Variants in CAST observed in about 807,000 individuals in gnomAD.
CAST encodes calpastatin.
In CAST, 76 loss-of-function variants were observed where a neutral mutation model predicts 119.6. The observed-to-expected ratio is 0.64, with a 90% CI of 0.53 to 0.77. The LOEUF (loss-of-function observed/expected upper bound fraction) is 0.77, where lower values mean the gene tolerates loss of function less well. Among genes scored for constraint, CAST ranks in the 30% least tolerant of loss-of-function variants. The pLI is 0.00. For missense variants in CAST, 953 were observed against 946.5 expected (o/e 1.01, Z -0.09); for synonymous variants, 319 against 331.6 (o/e 0.96, Z 0.41).
At chr5:96,285,453 A>G in the CAST span, among the ~76,000 whole-genome samples, 5 of 152,178 alleles carry the variant, frequency 3.3e-5, no homozygotes, top group African/African-American at 7.2e-5. Context: ...TGGAGAATTT[A>G]TTTGATTCTT....
At chr5:96,604,106 C>T (rs1580842353) in intron 1 of CAST, among the ~76,000 whole-genome samples, 1 of 152,146 alleles carries the variant, frequency 6.6e-6, no homozygotes, top group Non-Finnish European at 1.5e-5. Flanking sequence ...GCAGCATTTA[C>T]ACTAGCATCA....
the CAST span, among the ~76,000 whole-genome samples, chr5:96,442,796 G>A: frequency 6.6e-6 from 1 of 152,172 alleles, no homozygotes; most frequent in African/African-American, 2.4e-5. Flanking sequence ...TACCACTGCT[G>A]CTGCTGTTGC....
the CAST span, chr5:95,980,523 G>T: frequency 1.3e-5 from 2 of 152,228 alleles, no homozygotes; most frequent in East Asian, 3.9e-4. Flanking sequence ...AAAATGTGGA[G>T]CCTCCTATTT....
the CAST span, among the ~76,000 whole-genome samples, chr5:96,231,621 A>T: frequency 6.6e-6 from 1 of 152,138 alleles, no homozygotes. Context: ...ACACTTAAAC[A>T]CACTTAAACA....
chr5:96,421,800 G>A, the CAST span: 1 of 834,554 alleles, frequency 1.2e-6, no homozygotes, highest in East Asian at 2.4e-5. Flanking sequence ...GAATGTGGAT[G>A]AAATATATGG....
At chr5:96,719,966 C>G (rs1167783273) in intron 3 of CAST, among the ~76,000 whole-genome samples, 1 of 152,208 alleles carries the variant, frequency 6.6e-6, no homozygotes, top group Admixed American at 6.5e-5. Flanking sequence ...CTATGGTTCC[C>G]TCATCTACAT....
At chr5:96,216,072 T>G in the CAST span, among the ~76,000 whole-genome samples, 1 of 152,200 alleles carries the variant, frequency 6.6e-6, no homozygotes, top group Non-Finnish European at 1.5e-5. Context: ...CCTCCCAAAG[T>G]GCTGGAATTA....
the CAST span, among the ~76,000 whole-genome samples, chr5:96,502,972 T>C: frequency 6.6e-6 from 1 of 152,166 alleles, no homozygotes; most frequent in South Asian, 2.1e-4. Flanking sequence ...GTGAGTTTAA[T>C]TGCAAAGAGG....
the CAST span, among the ~76,000 whole-genome samples, chr5:96,014,732 G>T: frequency 9.3e-4 from 142 of 152,268 alleles, no homozygotes; most frequent in Non-Finnish European, 1.7e-3. Flanking sequence ...AAACTCCAGT[G>T]GGGGGTTGGG....
intron 1 of CAST, among the ~76,000 whole-genome samples, chr5:96,672,830 T>C (rs894819826): frequency 1.6e-4 from 24 of 152,168 alleles, no homozygotes; most frequent in African/African-American, 5.8e-4. Flanking sequence ...TTAAAATGGC[T>C]TTCTATTGTG....
the CAST span, among the ~76,000 whole-genome samples, chr5:95,967,759 A>G: frequency 1.3e-5 from 2 of 152,220 alleles, no homozygotes; most frequent in Non-Finnish European, 2.9e-5. Context: ...ACTGTGAGTC[A>G]ATTAAACCTC....
chr5:96,269,772 A>G, the CAST span, among the ~76,000 whole-genome samples: 2 of 152,206 alleles, frequency 1.3e-5, no homozygotes, highest in Non-Finnish European at 2.9e-5. Context: ...GTATCGCATC[A>G]AAGAAAAGCC....
At chr5:96,171,792 G>T in the CAST span, among the ~76,000 whole-genome samples, 1 of 152,220 alleles carries the variant, frequency 6.6e-6, no homozygotes, top group African/African-American at 2.4e-5. Context: ...AAAAGAGGGT[G>T]CTTACCCGAT....
At chr5:96,066,824 A>G in the CAST span, among the ~76,000 whole-genome samples, 2 of 151,822 alleles carry the variant, frequency 1.3e-5, no homozygotes, top group Non-Finnish European at 2.9e-5. Context: ...CATGCCTGGC[A>G]AGTTAACAAA....
At chr5:96,420,667 C>T in the CAST span, among the ~76,000 whole-genome samples, 1 of 146,900 alleles carries the variant, frequency 6.8e-6, no homozygotes, top group Admixed American at 6.8e-5. Context: ...GGAAGACTAT[C>T]CAAAGAAAGA....
At chr5:96,703,807 G>A (rs1243344145) in intron 3 of CAST, among the ~76,000 whole-genome samples, 1 of 152,182 alleles carries the variant, frequency 6.6e-6, no homozygotes, top group Non-Finnish European at 1.5e-5. Flanking sequence ...CTGCATTGCA[G>A]GGAAGCTCAA....
chr5:96,238,020 CATT>C, the CAST span, among the ~76,000 whole-genome samples: 1 of 151,902 alleles, frequency 6.6e-6, no homozygotes, highest in Non-Finnish European at 1.5e-5. Flanking sequence ...TTACCAAAAA[CATT>C]ATTAGTCATC....
At chr5:96,315,273 T>C in the CAST span, among the ~76,000 whole-genome samples, 1 of 152,178 alleles carries the variant, frequency 6.6e-6, no homozygotes, top group South Asian at 2.1e-4. Flanking sequence ...AATAAAAAAG[T>C]TTGTTGTTTA....
At chr5:96,712,249 A>G (rs1756316839) in intron 3 of CAST, among the ~76,000 whole-genome samples, 1 of 152,234 alleles carries the variant, frequency 6.6e-6, no homozygotes, top group South Asian at 2.1e-4. Context: ...AGGTCACACA[A>G]TTTAGCAGAG....
Sources: gnomAD v4.1 joint callset for allele counts (sites outside exome capture counted in the v4.1 genomes callset) on GRCh38, gnomAD v4.1.1 for gene constraint, MANE v1.5 for transcripts, NCBI Gene and HGNC (gene_info 2026-07-23, HGNC 2026-07-21) for gene names.